PCDH15: variants seen among roughly 807,000 people sequenced by gnomAD.
PCDH15 encodes protocadherin-15.
In PCDH15, 129 loss-of-function variants were observed where a neutral mutation model predicts 178.5. The ratio of observed to expected loss-of-function variants is 0.72; its 90% CI spans 0.63 to 0.84. PCDH15 has a LOEUF of 0.84. Ranked by LOEUF, PCDH15 falls within the 40% of genes least tolerant of loss-of-function variation. The probability of loss-of-function intolerance (pLI) is 0.00; values close to 1 mark genes in which losing one functional copy is unlikely to be tolerated. For missense variants in PCDH15, 2,230 were observed against 2,099.9 expected (o/e 1.06, Z -1.21); for synonymous variants, 800 against 732.0 (o/e 1.09, Z -1.50).
At chr10:55,138,908 T>C (rs1838275270) in intron 2 of PCDH15, among the ~76,000 whole-genome samples, 1 of 152,160 alleles carries the variant, frequency 6.6e-6, no homozygotes, top group South Asian at 2.1e-4. Flanking sequence ...CAGTATAATG[T>C]TGAGATTTAT....
chr10:53,873,323 G>A (rs556007635), intron 26 of PCDH15, among the ~76,000 whole-genome samples: 1 of 152,308 alleles, frequency 6.6e-6, no homozygotes, highest in East Asian at 1.9e-4. Flanking sequence ...AAATTACCAA[G>A]TCCATTTATG....
At chr10:54,139,648 C>CTAAGGA (rs139649810) in intron 14 of PCDH15, among the ~76,000 whole-genome samples, 2,345 of 152,072 alleles carry the variant, frequency 0.015, 74 homozygotes, top group African/African-American at 0.054. Flanking sequence ...TTTAAGGCTA[C>CTAAGGA]TAAGAATTCT....
chr10:54,749,351 C>G (rs1012195008), intron 1 of PCDH15, among the ~76,000 whole-genome samples: 7 of 152,072 alleles, frequency 4.6e-5, no homozygotes, highest in Non-Finnish European at 1.0e-4. Context: ...TAAACTGTTT[C>G]CTGGATCCTG....
chr10:54,202,341 G>A (rs750507048), intron 10 of PCDH15, among the ~76,000 whole-genome samples: 2 of 151,906 alleles, frequency 1.3e-5, no homozygotes, highest in Non-Finnish European at 2.9e-5. Flanking sequence ...AAAGAGGGAG[G>A]GAGGAAGAAA....
At chr10:54,545,285 G>T (rs1449666782) in intron 2 of PCDH15, among the ~76,000 whole-genome samples, 1 of 152,100 alleles carries the variant, frequency 6.6e-6, no homozygotes, top group African/African-American at 2.4e-5. Flanking sequence ...TAACAGTTAT[G>T]TTAATGATGG....
intron 15 of PCDH15, among the ~76,000 whole-genome samples, chr10:54,126,294 C>T (rs1488318173): frequency 6.6e-6 from 1 of 152,000 alleles, no homozygotes; most frequent in Non-Finnish European, 1.5e-5. Context: ...GGGTCTGAAA[C>T]TCCTGACCTA....
At chr10:54,542,154 C>A (rs1464191092) in intron 2 of PCDH15, among the ~76,000 whole-genome samples, 9 of 152,164 alleles carry the variant, frequency 5.9e-5, no homozygotes, top group African/African-American at 2.2e-4. Context: ...GATGTTGAAG[C>A]AATTTTCCTA....
chr10:54,642,262 A>T (rs1373356859), intron 2 of PCDH15, among the ~76,000 whole-genome samples: 1 of 152,116 alleles, frequency 6.6e-6, no homozygotes, highest in Admixed American at 6.6e-5. Flanking sequence ...ATTTGCTAGC[A>T]CCTCGAACTT....
At chr10:53,905,876 G>T (rs1756766015) in intron 25 of PCDH15, among the ~76,000 whole-genome samples, 1 of 151,722 alleles carries the variant, frequency 6.6e-6, no homozygotes, top group East Asian at 1.9e-4. Context: ...TTAATTAAAT[G>T]ATATTTATTT....
intron 2 of PCDH15, among the ~76,000 whole-genome samples, chr10:54,999,135 T>C (rs1839727572): frequency 2.0e-5 from 3 of 152,172 alleles, no homozygotes; most frequent in Admixed American, 2.0e-4. Flanking sequence ...TCCTATACAT[T>C]TGAAACAATT....
At chr10:55,413,810 T>C (rs1158229557) in intron 2 of PCDH15, among the ~76,000 whole-genome samples, 2 of 151,626 alleles carry the variant, frequency 1.3e-5, no homozygotes, top group Non-Finnish European at 3.0e-5. Flanking sequence ...GGAAATATTT[T>C]TTTTAGGTTA....
At chr10:55,307,598 C>G (rs1843462981) in intron 1 of PCDH15, among the ~76,000 whole-genome samples, 1 of 149,744 alleles carries the variant, frequency 6.7e-6, no homozygotes, top group South Asian at 2.1e-4. Context: ...TTTCTGCTTT[C>G]TAACTTACTT....
At chr10:54,586,431 A>G (rs537318487) in intron 2 of PCDH15, among the ~76,000 whole-genome samples, 1 of 152,266 alleles carries the variant, frequency 6.6e-6, no homozygotes, top group East Asian at 1.9e-4. Context: ...GCTAATATAT[A>G]CTGGCTATTT....
intron 1 of PCDH15, among the ~76,000 whole-genome samples, chr10:54,670,090 G>A (rs1023255633): frequency 1.3e-5 from 2 of 151,978 alleles, no homozygotes; most frequent in African/African-American, 2.4e-5. Context: ...TGCTTTTTGG[G>A]TGCACTCTGT....
At chr10:54,365,546 A>T (rs1403466579) in intron 5 of PCDH15, among the ~76,000 whole-genome samples, 1 of 152,066 alleles carries the variant, frequency 6.6e-6, no homozygotes, top group Non-Finnish European at 1.5e-5. Context: ...TCTTCACATG[A>T]CCAAGAAAAC....
intron 8 of PCDH15, among the ~76,000 whole-genome samples, chr10:54,312,074 C>T (rs1195844283): frequency 2.6e-5 from 4 of 152,054 alleles, no homozygotes; most frequent in African/African-American, 9.6e-5. Flanking sequence ...AAAGGATCAG[C>T]AAGTATGTAA....
At chr10:54,119,279 G>T (rs2095172619) in intron 15 of PCDH15, among the ~76,000 whole-genome samples, 1 of 151,810 alleles carries the variant, frequency 6.6e-6, no homozygotes. Flanking sequence ...TAAAGAAAAA[G>T]ATAAACGTCT....
intron 32 of PCDH15, among the ~76,000 whole-genome samples, chr10:53,820,518 GA>G (rs1159881774): frequency 5.9e-5 from 9 of 151,910 alleles, no homozygotes; most frequent in Non-Finnish European, 1.3e-4. Context: ...CTGTATTTTA[GA>G]ATTGTACCCT....
intron 2 of PCDH15, among the ~76,000 whole-genome samples, chr10:54,905,820 A>C (rs1423043946): frequency 6.6e-6 from 1 of 152,108 alleles, no homozygotes; most frequent in Non-Finnish European, 1.5e-5. Flanking sequence ...TGTCATGAAT[A>C]CAAAAATTTC....
Sources: allele counts gnomAD v4.1 joint callset (sites outside exome capture counted in the v4.1 genomes callset), GRCh38; gene constraint gnomAD v4.1.1; transcripts MANE v1.5; gene names NCBI Gene and HGNC (gene_info 2026-07-23, HGNC 2026-07-21).